The following CUX2 variants were observed in gnomAD, a reference collection of about 807,000 sequenced individuals.
CUX2 encodes the protein homeobox protein cut-like 2.
CUX2 carries 40 observed loss-of-function variants against 144.8 expected under a neutral mutation model. That is an observed-to-expected ratio of 0.28 (90% confidence interval 0.21 to 0.36). The LOEUF is 0.36. Ranked by LOEUF, CUX2 falls within the 10% of genes least tolerant of loss-of-function variation. The probability of loss-of-function intolerance (pLI) is 1.00; values close to 1 mark genes in which losing one functional copy is unlikely to be tolerated. For missense variants in CUX2, 1,615 were observed against 1,994.0 expected (o/e 0.81, Z 3.62); for synonymous variants, 827 against 875.6 (o/e 0.94, Z 0.98).
chr12:111,187,567 G>A (rs1199325258), intron 1 of CUX2, among the ~76,000 whole-genome samples: 1 of 152,188 alleles, frequency 6.6e-6, no homozygotes, highest in African/African-American at 2.4e-5. Flanking sequence ...TGGAGACCTG[G>A]CTGGGGATTG....
chr12:111,288,310 G>T (rs888184249), intron 4 of CUX2, among the ~76,000 whole-genome samples: 1 of 152,074 alleles, frequency 6.6e-6, no homozygotes, highest in African/African-American at 2.4e-5. Flanking sequence ...CAAGTGTCTG[G>T]TGCCATGTGG....
intron 5 of CUX2, among the ~76,000 whole-genome samples, chr12:111,292,494 G>C (rs780059051): frequency 3.4e-4 from 51 of 152,210 alleles, no homozygotes; most frequent in Non-Finnish European, 1.6e-4. Flanking sequence ...GGAGGCTTAG[G>C]CAGGAGAATT....
intron 1 of CUX2, among the ~76,000 whole-genome samples, chr12:111,124,035 A>C (rs1009057594): frequency 6.6e-6 from 1 of 152,182 alleles, no homozygotes; most frequent in Admixed American, 6.5e-5. Flanking sequence ...CAGAGTGAAC[A>C]ATTCAGTGGA....
At chr12:111,264,892 A>C (rs930096030) in intron 4 of CUX2, among the ~76,000 whole-genome samples, 2 of 129,362 alleles carry the variant, frequency 1.5e-5, no homozygotes, top group Non-Finnish European at 3.1e-5. Flanking sequence ...CAAGCCGTAG[A>C]TAAGAGTCGA....
chr12:111,161,381 G>T (rs1457509879), intron 1 of CUX2, among the ~76,000 whole-genome samples: 1 of 140,478 alleles, frequency 7.1e-6, no homozygotes. Flanking sequence ...CCTGGAGGCT[G>T]GGACCAGCTT....
At chr12:111,152,776 G>A (rs1877130254) in intron 1 of CUX2, among the ~76,000 whole-genome samples, 1 of 152,248 alleles carries the variant, frequency 6.6e-6, no homozygotes, top group Admixed American at 6.5e-5. Flanking sequence ...AGCCTTGGAT[G>A]TGCGTGGGGG....
intron 19 of CUX2, among the ~76,000 whole-genome samples, chr12:111,336,600 A>C (rs1395747938): frequency 6.6e-6 from 1 of 151,850 alleles, no homozygotes; most frequent in Non-Finnish European, 1.5e-5. Context: ...GGCCTGAGCC[A>C]CCACTCCTGG....
chr12:111,305,994 G>GTTT (rs1443238237), intron 10 of CUX2, among the ~76,000 whole-genome samples: 1 of 152,286 alleles, frequency 6.6e-6, no homozygotes, highest in South Asian at 2.1e-4. Context: ...GATTCTGTGT[G>GTTT]TGTCCATGTT....
intron 1 of CUX2, among the ~76,000 whole-genome samples, chr12:111,106,207 G>A (rs1188599366): frequency 6.6e-6 from 1 of 152,108 alleles, no homozygotes; most frequent in African/African-American, 2.4e-5. Flanking sequence ...GCCTAGGCTG[G>A]TCTCAAACTC....
At position 111,304,261 on chromosome 12, in the gene CUX2, T is replaced by C; in HGVS notation, c.805T>C (p.Ser269Pro). Residue 269 changes from serine to proline, a missense_variant, in exon 10 of 22, where the codon TCT (serine) becomes CCT (proline). Transcript: ENST00000261726. This position sits in a 1 kb window ranked among gnomAD's most constrained non-coding sequence, Gnocchi z 4.7. The part of the protein sequence containing the change: ...EVESLREQLA[S>P]VNSSIRLACC... ...GGAAAGTCTCCGGGAACAGCTGGCC[T>C]CTGTCAACAGCTCCATCCGCCTGGC... 2 of 1,614,006 alleles carry C rather than the reference T, an allele frequency of 1.2e-6. No individual in the cohort carries two copies. The highest frequency in any genetic ancestry group is 1.7e-6 in the Non-Finnish European group (2 of 1,179,970).
chr12:111,116,008 CTGTT>C (rs1023823394), intron 1 of CUX2, among the ~76,000 whole-genome samples: 1 of 152,212 alleles, frequency 6.6e-6, no homozygotes, highest in Admixed American at 6.5e-5. Flanking sequence ...ACCTTGGTCT[CTGTT>C]TGCTGATGGA....
chr12:111,286,911 T>C (rs190091635), intron 4 of CUX2, among the ~76,000 whole-genome samples: 3 of 152,258 alleles, frequency 2.0e-5, no homozygotes, highest in Non-Finnish European at 4.4e-5. Flanking sequence ...TTAGGAAGTT[T>C]CCAGGTTATA....
In CUX2 at chr12:111,057,963, C is replaced by G. The variant is rs187320363; in HGVS notation, c.63+23723C>G. 2.8e-4 allele frequency among the ~76,000 whole-genome samples: 42 copies of G among 152,294 alleles called. No individual in the cohort carries two copies. The East Asian group carries it at 3.9e-3, about 14-fold the overall frequency. ...TAATTTGGCCCCTCAGGCAACAGCA[C>G]TTTTGAAATCTCTGGATAGTTTTGA... On this transcript the variant is annotated intron_variant, in intron 1 of 21. Coordinates refer to ENST00000261726, the MANE Select transcript of CUX2 (RefSeq NM_015267.4). The surrounding 1 kb of genome is among the most constrained non-coding windows in gnomAD (Gnocchi z 5.1).
At chr12:111,102,003 C>T (rs1203799920) in intron 1 of CUX2, among the ~76,000 whole-genome samples, 1 of 152,218 alleles carries the variant, frequency 6.6e-6, no homozygotes, top group Non-Finnish European at 1.5e-5. Flanking sequence ...ATTTCTGGAA[C>T]GCCTGAACTC....
At position 111,348,115 on chromosome 12, in the gene CUX2, A is replaced by G; in HGVS notation, c.4251A>G (p.Ser1417=). 1 of 1,613,750 alleles carries G rather than the reference A, an allele frequency of 6.2e-7. No homozygotes were observed. The highest frequency in any genetic ancestry group is 8.5e-7 in the Non-Finnish European group (1 of 1,179,906). Residue 1417 remains serine, a synonymous_variant, in exon 22 of 22, where the codon TCA becomes TCG. Coordinates refer to ENST00000261726, the MANE Select transcript of CUX2 (RefSeq NM_015267.4). ...MMSVSPVPSS[S]APISPSPPGA... Reference sequence around the variant, plus strand: ...CTGTGTCACCTGTCCCCTCCTCCTCAGCTCCCATCTCCCCATCCCCACCTG... The same window carrying G: ...CTGTGTCACCTGTCCCCTCCTCCTCGGCTCCCATCTCCCCATCCCCACCTG...
chr12:111,319,997 T>C lies in CUX2; in HGVS notation c.2003-15T>C. On this transcript the variant is annotated splice_polypyrimidine_tract_variant and intron_variant, in intron 16 of 21. Coordinates refer to ENST00000261726, the MANE Select transcript of CUX2 (RefSeq NM_015267.4). ...TGACCCTGGGCCTCGGGCCGTCCTG[T>C]CCCCCTCCCCGCAGGCGAGCCCAAG... is the stretch of plus-strand genomic sequence containing the variant. The C allele has an allele frequency of 1.3e-6, 2 of 1,488,298 alleles. No homozygotes were observed. The highest frequency in any genetic ancestry group is 1.4e-5 in the African/African-American group (1 of 69,534). 92.2% of individuals were successfully genotyped at this position (1,488,298 alleles called of 1,614,324 possible).
At chr12:111,256,688 G>T (rs543369770) in intron 3 of CUX2, among the ~76,000 whole-genome samples, 3 of 152,178 alleles carry the variant, frequency 2.0e-5, no homozygotes, top group Admixed American at 2.0e-4. Flanking sequence ...GAGGCACCTG[G>T]GCACCGATAC....
At chr12:111,282,934 C>T (rs892194888) in intron 4 of CUX2, among the ~76,000 whole-genome samples, 3 of 152,010 alleles carry the variant, frequency 2.0e-5, no homozygotes, top group Non-Finnish European at 4.4e-5. Context: ...TACCATAGGT[C>T]GGGTGTGGTG....
At position 111,186,141 on chromosome 12, in the gene CUX2, G is replaced by A. The variant is rs183052136; in HGVS notation, c.64-28059G>A. 3.4e-4 allele frequency among the ~76,000 whole-genome samples: 51 copies of A among 151,078 alleles called. No homozygotes were observed. The highest frequency in any genetic ancestry group is 1.2e-3 in the African/African-American group (50 of 41,044). On this transcript the variant is annotated intron_variant, in intron 1 of 21. Coordinates refer to ENST00000261726, the MANE Select transcript of CUX2 (RefSeq NM_015267.4). The surrounding 1 kb of genome is among the most constrained non-coding windows in gnomAD (Gnocchi z 4.4). ...AGATTTCGCTTTCACGTCCTCTCTC[G>A]GCATTTCTCCTCTTTCCCACTCTCG...
Sources: gnomAD v4.1 joint callset for allele counts (sites outside exome capture counted in the v4.1 genomes callset) on GRCh38, gnomAD v4.1.1 for gene constraint, Gnocchi (gnomAD v3.1) non-coding constraint, MANE v1.5 for transcripts, NCBI Gene and HGNC (gene_info 2026-07-23, HGNC 2026-07-21) for gene names.